Variants in NCKAP5 observed in about 807,000 individuals in gnomAD.
NCKAP5 encodes the protein NCK associated protein 5, also known as nck-associated protein 5.
NCKAP5 carries 92 observed loss-of-function variants against 167.0 expected under a neutral mutation model. That is an observed-to-expected ratio of 0.55 (90% CI 0.47 to 0.66). The LOEUF (loss-of-function observed/expected upper bound fraction) is 0.66, where lower values mean the gene tolerates loss of function less well. Ranked by LOEUF, NCKAP5 falls within the 30% of genes least tolerant of loss-of-function variation. The pLI is 0.00. For synonymous variants in NCKAP5, 891 were observed against 877.4 expected, an observed-to-expected ratio of 1.02 and a Z score of -0.27; for missense variants, 2,378 against 2,315.0, an observed-to-expected ratio of 1.03 and a Z score of -0.56.
chr2:132,709,281 G>C (rs567150578), intron 19 of NCKAP5, among the ~76,000 whole-genome samples: 1 of 152,118 alleles, frequency 6.6e-6, no homozygotes, highest in Non-Finnish European at 1.5e-5. Flanking sequence ...AACAAGCTTA[G>C]TGTCTTTCTG....
intron 11 of NCKAP5, among the ~76,000 whole-genome samples, chr2:132,822,999 A>C (rs935348741): frequency 1.3e-5 from 2 of 152,198 alleles, no homozygotes; most frequent in African/African-American, 4.8e-5. Flanking sequence ...CAATCAGACA[A>C]AGACAATGAA....
At position 133,389,471 on chromosome 2, in the gene NCKAP5, A is replaced by G. The variant is rs573269394; in HGVS notation, c.70-86361T>C. Among the ~76,000 whole-genome samples, 7 of 152,316 alleles carry G rather than the reference A, an allele frequency of 4.6e-5. No homozygotes were observed. In the South Asian group the frequency reaches 1.5e-3, roughly 32 times the overall value. ...GTAAGGGATAATGAGTAGCCTGAGAACTGTTAGCAACAGAACAAACCAGGG... is the reference window on the plus strand; with the variant it reads ...GTAAGGGATAATGAGTAGCCTGAGAGCTGTTAGCAACAGAACAAACCAGGG... On this transcript the variant is annotated intron_variant, in intron 3 of 19. Coordinates refer to ENST00000409261, the MANE Select transcript of NCKAP5 (RefSeq NM_207363.3).
intron 11 of NCKAP5, among the ~76,000 whole-genome samples, chr2:132,846,408 G>A (rs1688665694): frequency 1.3e-5 from 2 of 152,012 alleles, no homozygotes; most frequent in South Asian, 2.1e-4. Context: ...GGGTTCAAAC[G>A]ATTCTTGTGC....
Position 133,344,407 on chromosome 2 carries a change from C to CAA in NCKAP5, c.70-41299_70-41298dup, listed in dbSNP as rs376699332. On this transcript the variant is annotated intron_variant, in intron 3 of 19. Transcript: ENST00000409261. ...TGGGCGACAAAGTGAAACTTTGTCT[C>CAA]AAAAAAAAAAAAAAAAGGGTAATAA... is the stretch of plus-strand genomic sequence containing the variant. 1.6e-3 allele frequency among the ~76,000 whole-genome samples: 146 copies of CAA among 90,232 alleles called. 4 individuals are homozygous for CAA. Among genetic ancestry groups the CAA allele is most frequent in the Middle Eastern group, 0.014 (2 of 138 alleles). The allele number at this position is 90,232 out of a possible 152,430, so 59.2% of individuals were successfully genotyped here. A position where few individuals can be genotyped will look rare whatever the true frequency, so the allele number is the denominator to read the frequency against.
intron 3 of NCKAP5, among the ~76,000 whole-genome samples, chr2:133,308,663 C>CT (rs529029996): frequency 1.2e-5 from 1 of 84,802 alleles, no homozygotes; most frequent in African/African-American, 4.2e-5. Context: ...ATAAAGCATG[C>CT]TTTTTTCGTT....
intron 3 of NCKAP5, among the ~76,000 whole-genome samples, chr2:133,340,840 C>T (rs1354811303): frequency 6.6e-6 from 1 of 152,094 alleles, no homozygotes; most frequent in African/African-American, 2.4e-5. Flanking sequence ...CTGAAGCATT[C>T]TGTTTCTTAT....
At chr2:132,870,042 T>TTGA (rs1438098064) in intron 9 of NCKAP5, among the ~76,000 whole-genome samples, 1 of 152,172 alleles carries the variant, frequency 6.6e-6, no homozygotes, top group African/African-American at 2.4e-5. Flanking sequence ...GCAGTGAATC[T>TTGA]TGATTAATCT....
chr2:133,006,792 G>A (rs1385284468), intron 6 of NCKAP5, among the ~76,000 whole-genome samples: 1 of 152,112 alleles, frequency 6.6e-6, no homozygotes, highest in East Asian at 1.9e-4. Context: ...CTAATTGGCT[G>A]TATTTGGGAT....
intron 4 of NCKAP5, among the ~76,000 whole-genome samples, chr2:133,290,728 CTTTTTTTTTTT>C (rs58758295): frequency 2.8e-4 from 25 of 89,368 alleles, no homozygotes; most frequent in African/African-American, 8.4e-4. Flanking sequence ...AGAATTTCTC[CTTTTTTTTTTT>C]TTTTTTTTTT....
chr2:133,006,620 TA>T (rs1553507446), intron 6 of NCKAP5, among the ~76,000 whole-genome samples: 6 of 82,360 alleles, frequency 7.3e-5, no homozygotes, highest in South Asian at 5.7e-4. Flanking sequence ...TATTTTATTT[TA>T]TTTTATTTTT....
At chr2:132,712,574 C>A (rs1265282429) in intron 19 of NCKAP5, among the ~76,000 whole-genome samples, 1 of 152,090 alleles carries the variant, frequency 6.6e-6, no homozygotes, top group African/African-American at 2.4e-5. Context: ...ATGGCGTGAA[C>A]CCGGAAGGCG....
At chr2:133,047,135 T>A (rs879242494) in intron 6 of NCKAP5, among the ~76,000 whole-genome samples, 2 of 152,232 alleles carry the variant, frequency 1.3e-5, no homozygotes, top group African/African-American at 4.8e-5. Flanking sequence ...GATTGCAAAC[T>A]GTACACTGCC....
chr2:133,376,805 G>A (rs75060081), intron 3 of NCKAP5, among the ~76,000 whole-genome samples: 3,065 of 152,250 alleles, frequency 0.02, 93 homozygotes, highest in African/African-American at 0.07. Flanking sequence ...CAATTGTTAG[G>A]AGCTGAGCCA....
At chr2:133,617,622 A>T in the NCKAP5 span, among the ~76,000 whole-genome samples, 1 of 147,036 alleles carries the variant, frequency 6.8e-6, no homozygotes. Flanking sequence ...CTTCAAGGAG[A>T]ACTACAAACC....
intron 7 of NCKAP5, among the ~76,000 whole-genome samples, chr2:132,964,193 A>G (rs2076596546): frequency 6.6e-6 from 1 of 152,230 alleles, no homozygotes; most frequent in African/African-American, 2.4e-5. Context: ...CTATACTGCA[A>G]ACTGTGGAAA....
At chr2:132,679,798 A>G (rs1226520227) in intron 19 of NCKAP5, among the ~76,000 whole-genome samples, 2 of 152,150 alleles carry the variant, frequency 1.3e-5, no homozygotes, top group Non-Finnish European at 2.9e-5. Flanking sequence ...GATTCAGGGA[A>G]GAGTTTTATG....
intron 8 of NCKAP5, among the ~76,000 whole-genome samples, chr2:132,946,861 G>T (rs921042370): frequency 6.6e-6 from 1 of 152,182 alleles, no homozygotes; most frequent in Non-Finnish European, 1.5e-5. Flanking sequence ...TGGCGCCACC[G>T]CACTCCAGCC....
At chr2:133,593,008 T>A in the NCKAP5 span, among the ~76,000 whole-genome samples, 1 of 152,158 alleles carries the variant, frequency 6.6e-6, no homozygotes, top group African/African-American at 2.4e-5. Context: ...ACAATCCAGT[T>A]TCAACAGCAC....
chr2:133,138,439 T>C (rs1471304223), intron 5 of NCKAP5, among the ~76,000 whole-genome samples: 1 of 152,122 alleles, frequency 6.6e-6, no homozygotes, highest in Non-Finnish European at 1.5e-5. Context: ...GTAATACAGT[T>C]TTGCTTTTAA....
Sources: allele counts gnomAD v4.1 joint callset (sites outside exome capture counted in the v4.1 genomes callset), GRCh38; gene constraint gnomAD v4.1.1; transcripts MANE v1.5; gene names NCBI Gene and HGNC (gene_info 2026-07-23, HGNC 2026-07-21).